The following MYT1L variants were observed in gnomAD, a reference collection of about 807,000 sequenced individuals.
The protein encoded by MYT1L is myelin transcription factor 1-like protein.
In MYT1L, 12 loss-of-function variants were observed where a neutral mutation model predicts 126.7. The ratio of observed to expected loss-of-function variants is 0.09; its 90% confidence interval spans 0.06 to 0.15. The LOEUF is 0.15. Ranked by LOEUF, MYT1L falls within the 10% of genes least tolerant of loss-of-function variation. MYT1L has a pLI of 1.00. For missense variants in MYT1L, 979 were observed against 1,585.2 expected (o/e 0.62, Z 6.49); for synonymous variants, 541 against 604.2 (o/e 0.90, Z 1.53).
At chr2:2,261,605 C>G (rs1455817771) in intron 2 of MYT1L, among the ~76,000 whole-genome samples, 4 of 152,108 alleles carry the variant, frequency 2.6e-5, no homozygotes. Context: ...ATAGCAGAAT[C>G]TGGCAAAAAA....
At chr2:1,807,307 G>A (rs1029889375) in intron 22 of MYT1L, among the ~76,000 whole-genome samples, 1 of 152,240 alleles carries the variant, frequency 6.6e-6, no homozygotes, top group Non-Finnish European at 1.5e-5. Context: ...CTCTCATGCT[G>A]TCCTCAGGAC....
chr2:1,834,975 C>G (rs372139873), intron 21 of MYT1L, among the ~76,000 whole-genome samples: 2 of 112,880 alleles, frequency 1.8e-5, no homozygotes, highest in Admixed American at 1.6e-4. Context: ...GGTACTCCTC[C>G]ACATACCACG....
rs2093962388 is a variant in MYT1L, at chr2:2,224,637, G to T, written c.-420-51649C>A. On this transcript the variant is annotated intron_variant, in intron 2 of 24. Transcript: ENST00000647738. The surrounding 1 kb of genome is among the most constrained non-coding windows in gnomAD (Gnocchi z 4.0). ...GATTGAGACCATCCTGGCTAACAAGGTGAAACCCTTTCTCTACTAAAAATA... is the reference window on the plus strand; with the variant it reads ...GATTGAGACCATCCTGGCTAACAAGTTGAAACCCTTTCTCTACTAAAAATA... 6.6e-6 allele frequency among the ~76,000 whole-genome samples: 1 copy of T among 152,006 alleles called. No homozygotes were observed. The highest frequency in any genetic ancestry group is 2.1e-4 in the South Asian group (1 of 4,814).
chr2:1,899,450 T>TG (rs1413632740), intron 14 of MYT1L, among the ~76,000 whole-genome samples: 1 of 152,210 alleles, frequency 6.6e-6, no homozygotes, highest in East Asian at 1.9e-4. Flanking sequence ...GGCTGTGGCT[T>TG]GGAGTTCCCG....
intron 21 of MYT1L, among the ~76,000 whole-genome samples, chr2:1,834,918 C>A (rs1206381760): frequency 9.1e-6 from 1 of 109,486 alleles, no homozygotes; most frequent in Non-Finnish European, 1.7e-5. Flanking sequence ...CCACATACCA[C>A]GGGGATGGAT....
In MYT1L at chr2:2,228,771, T is replaced by G. The variant is rs2094084709; in HGVS notation, c.-421+55633A>C. On this transcript the variant is annotated intron_variant, in intron 2 of 24. Coordinates refer to ENST00000647738, the MANE Select transcript of MYT1L (RefSeq NM_001303052.2). The surrounding 1 kb of genome is among the most constrained non-coding windows in gnomAD (Gnocchi z 5.9). ...GTTCCCCCAAACACCTGAAAACTTA[T>G]GAAAAACTATGTTATTTAGGTTGCT... Among the ~76,000 whole-genome samples, 1 of 152,160 alleles carries G rather than the reference T, an allele frequency of 6.6e-6. No individual in the cohort carries two copies. Among genetic ancestry groups the G allele is most frequent in the Non-Finnish European group, 1.5e-5 (1 of 68,032 alleles).
rs539217767 is a variant in MYT1L at position 2,054,424 on chromosome 2, C to T, written c.-303-301G>A. Among the ~76,000 whole-genome samples the T allele has an allele frequency of 5.3e-5, 8 of 151,296 alleles. No individual in the cohort carries two copies. In the East Asian group the frequency reaches 1.6e-3, roughly 30 times the overall value. On this transcript the variant is annotated intron_variant, in intron 3 of 24. Transcript: ENST00000647738. ...CATAAGACACATGGGGATGATGAAGCACATGGAGATGAAACACTCAGAGGT... is the reference window on the plus strand; with the variant it reads ...CATAAGACACATGGGGATGATGAAGTACATGGAGATGAAACACTCAGAGGT...
intron 8 of MYT1L, among the ~76,000 whole-genome samples, chr2:1,956,507 T>TTCTATCTA (rs201077164): frequency 0.062 from 6,951 of 111,818 alleles, 360 homozygotes; most frequent in East Asian, 0.085. Flanking sequence ...ATATTTCCTA[T>TTCTATCTA]TCTATCTATC....
intron 2 of MYT1L, among the ~76,000 whole-genome samples, chr2:2,247,205 C>T (rs1210686229): frequency 6.6e-6 from 1 of 151,832 alleles, no homozygotes; most frequent in Non-Finnish European, 1.5e-5. Flanking sequence ...ATATTTCATT[C>T]AATGGAAATG....
chr2:2,318,727 A>T (rs1170593475), intron 1 of MYT1L, among the ~76,000 whole-genome samples: 2 of 152,224 alleles, frequency 1.3e-5, no homozygotes, highest in Non-Finnish European at 2.9e-5. Flanking sequence ...TAAGAAATTG[A>T]TCTGAAATTT....
intron 5 of MYT1L, among the ~76,000 whole-genome samples, chr2:1,991,078 G>A (rs2061418862): frequency 6.6e-6 from 1 of 152,154 alleles, no homozygotes. Context: ...TTACAAGGAA[G>A]AGCAGAGGAG....
rs760123827 is a variant in MYT1L at position 1,923,276 on chromosome 2, T to A, written c.506-13A>T. 6.5e-7 allele frequency: 1 copy of A among 1,544,540 alleles called. No individual in the cohort carries two copies. Among genetic ancestry groups the A allele is most frequent in the African/African-American group, 1.4e-5 (1 of 72,340 alleles). ...ATTTGATGGTCTTCTGCAAAGAAAA[T>A]AAAAAAGACAAAAAAGAAAAGAAAA... On this transcript the variant is annotated splice_polypyrimidine_tract_variant and intron_variant, in intron 9 of 24. Transcript: ENST00000647738.
chr2:1,838,424 T>C (rs967238626), intron 21 of MYT1L, among the ~76,000 whole-genome samples: 9 of 152,118 alleles, frequency 5.9e-5, no homozygotes, highest in Non-Finnish European at 1.2e-4. Flanking sequence ...GAAAGTGGCA[T>C]ATAGGGCAGC....
chr2:1,998,292 C>A (rs978495202), intron 4 of MYT1L, among the ~76,000 whole-genome samples: 1 of 152,150 alleles, frequency 6.6e-6, no homozygotes. Flanking sequence ...CGGAGCCCTG[C>A]GATGATGCAG....
intron 2 of MYT1L, among the ~76,000 whole-genome samples, chr2:2,181,398 G>A (rs2148641203): frequency 6.6e-6 from 1 of 152,270 alleles, no homozygotes; most frequent in African/African-American, 2.4e-5. Flanking sequence ...TCATGTTACT[G>A]ATTGCTAGCT....
chr2:2,023,277 G>C (rs2065208413), intron 4 of MYT1L, among the ~76,000 whole-genome samples: 1 of 152,216 alleles, frequency 6.6e-6, no homozygotes, highest in Admixed American at 6.5e-5. Context: ...GGAGTGTTGG[G>C]CTGGACTGCA....
At chr2:1,866,596 AGGGAGAGGGAGG>A (rs2045526251) in intron 18 of MYT1L, among the ~76,000 whole-genome samples, 1 of 113,062 alleles carries the variant, frequency 8.8e-6, no homozygotes, top group Non-Finnish European at 1.8e-5. Context: ...GCAGAGAGAG[AGGGAGAGGGAGG>A]GGGAGAGAGA....
intron 2 of MYT1L, among the ~76,000 whole-genome samples, chr2:2,271,570 G>C (rs1252505607): frequency 1.3e-5 from 2 of 152,224 alleles, no homozygotes; most frequent in African/African-American, 4.8e-5. Context: ...TGGTGGTTCT[G>C]GGAGTCAGCT....
At chr2:2,133,110 C>A (rs905309858) in intron 3 of MYT1L, among the ~76,000 whole-genome samples, 1 of 152,168 alleles carries the variant, frequency 6.6e-6, no homozygotes, top group African/African-American at 2.4e-5. Context: ...TAAGAGACGG[C>A]GCTTTTTGAA....
Sources: allele counts gnomAD v4.1 joint callset (sites outside exome capture counted in the v4.1 genomes callset), GRCh38; gene constraint gnomAD v4.1.1; non-coding constraint Gnocchi (gnomAD v3.1); transcripts MANE v1.5; gene names NCBI Gene and HGNC (gene_info 2026-07-23, HGNC 2026-07-21).